Variants in EIF2S2 observed in about 807,000 individuals in gnomAD.
EIF2S2 encodes eukaryotic translation initiation factor 2 subunit beta, also known as eukaryotic translation initiation factor 2 subunit 2.
A neutral mutation model predicts 44.0 loss-of-function variants in EIF2S2; 4 were observed. The observed-to-expected ratio is 0.09, with a 90% CI of 0.04 to 0.21. The LOEUF is 0.21. Among genes scored for constraint, EIF2S2 ranks in the 10% least tolerant of loss-of-function variants. The pLI is 1.00. For synonymous variants in EIF2S2, 108 were observed against 128.3 expected, an observed-to-expected ratio of 0.84 and a Z score of 1.07; for missense variants, 154 against 392.0, an observed-to-expected ratio of 0.39 and a Z score of 5.13.
At chr20:34,112,027 C>A in intron 1 of EIF2S2, 69 bp downstream of exon 1, 1 of 1,338,930 alleles carries the variant, frequency 7.5e-7, no homozygotes, top group Non-Finnish European at 9.7e-7. Flanking sequence ...CAGGCCCGTT[C>A]TCCCACACTG....
In EIF2S2 at chr20:34,089,925, C is replaced by G. The variant is rs1208407426; in HGVS notation, c.827-20G>C. Reference sequence around the variant, plus strand: ...ATTCCTCTGCAAATAAAGCAACACACAGAATTACCTGGTGGCTGCAGTGAG... The same window carrying G: ...ATTCCTCTGCAAATAAAGCAACACAGAGAATTACCTGGTGGCTGCAGTGAG... On this transcript the variant is annotated intron_variant, in intron 8 of 8. Coordinates refer to ENST00000374980, the MANE Select transcript of EIF2S2 (RefSeq NM_003908.5). 3 of 1,612,880 alleles carry G rather than the reference C, an allele frequency of 1.9e-6. No individual in the cohort carries two copies. Among genetic ancestry groups the G allele is most frequent in the Middle Eastern group, 1.7e-4 (1 of 6,048 alleles).
At position 34,102,891 on chromosome 20, in the gene EIF2S2, T is replaced by G. The variant is rs148185255; in HGVS notation, c.297+571A>C. On this transcript the variant is annotated intron_variant, in intron 3 of 8. Coordinates refer to ENST00000374980, the MANE Select transcript of EIF2S2 (RefSeq NM_003908.5). Reference sequence around the variant, plus strand: ...ATTCACCTTCCTGCCCACCTGTTACTTACTCCCTGTCCAAAAGAATTTTGA... The same window carrying G: ...ATTCACCTTCCTGCCCACCTGTTACGTACTCCCTGTCCAAAAGAATTTTGA... Among the ~76,000 whole-genome samples, 577 of 152,290 alleles carry G rather than the reference T, an allele frequency of 3.8e-3. 4 individuals are homozygous for G. The highest frequency in any genetic ancestry group is 3.8e-3 in the Non-Finnish European group (258 of 68,016).
rs1568712596 is a variant in EIF2S2, at chr20:34,093,664, C to T, written c.740+11G>A. The T allele has an allele frequency of 6.2e-7, 1 of 1,603,348 alleles. No homozygotes were observed. Among genetic ancestry groups the T allele is most frequent in the East Asian group, 2.2e-5 (1 of 44,812 alleles). The stretch of plus-strand genomic sequence containing the variant: ...CAGCAGTACTGTATGTAAATGTATA[C>T]AGTTTCTTACCTTGTACCCAATTCA... On this transcript the variant is annotated intron_variant, in intron 7 of 8. Transcript: ENST00000374980.
At chr20:34,104,874 T>C (rs532754074) in intron 2 of EIF2S2, among the ~76,000 whole-genome samples, 14 of 152,234 alleles carry the variant, frequency 9.2e-5, no homozygotes, top group Non-Finnish European at 1.9e-4. Context: ...CACAGTGTTA[T>C]ATTCAACAGA....
chr20:34,104,144 GT>G (rs2034323740), intron 2 of EIF2S2, among the ~76,000 whole-genome samples: 1 of 152,180 alleles, frequency 6.6e-6, no homozygotes, highest in East Asian at 1.9e-4. Flanking sequence ...CCAAGACAAA[GT>G]CAGAGCTCTA....
Position 34,103,546 on chromosome 20 carries a change from A to G in EIF2S2, c.213T>C (p.Asp71=), listed in dbSNP as rs2034316549. 1.9e-6 allele frequency: 3 copies of G among 1,569,906 alleles called. No homozygotes were observed. Among genetic ancestry groups the G allele is most frequent in the Non-Finnish European group, 2.6e-6 (3 of 1,156,738 alleles). Residue 71 remains aspartate (D), a synonymous_variant, in exon 3 of 9, where the codon GAT becomes GAC. Coordinates refer to ENST00000374980, the MANE Select transcript of EIF2S2 (RefSeq NM_003908.5). ...TRKKDASDDL[D]DLNFFNQKKK... is the part of the protein sequence containing the mutation. ...TCTTTTGATTAAAGAAGTTCAAGTC[A>G]TCTAGATCATCAGAAGCATCTAAAA...
intron 3 of EIF2S2, 27 bp from the exon 4 acceptor site, chr20:34,098,660 T>C (rs2034260693): frequency 1.2e-6 from 2 of 1,608,714 alleles, no homozygotes; most frequent in Non-Finnish European, 8.5e-7. Flanking sequence ...AGTCTGAACA[T>C]TTGATACTGG....
chr20:34,095,296 TAA>T (rs951613057), intron 6 of EIF2S2, among the ~76,000 whole-genome samples: 2 of 149,236 alleles, frequency 1.3e-5, no homozygotes, highest in African/African-American at 5.0e-5. Context: ...TAAACTATGA[TAA>T]GTTAGCTACC....
At position 34,096,436 on chromosome 20, in the gene EIF2S2, G is replaced by A. The variant is rs2034229559; in HGVS notation, c.683+221C>T. Among the ~76,000 whole-genome samples the A allele has an allele frequency of 2.0e-5, 3 of 152,138 alleles. 1 individual carries two copies. In the South Asian group the frequency reaches 6.2e-4, roughly 32 times the overall value. Reference sequence around the variant, plus strand: ...GCCATGACCACTCCACTGCATTCCAGCCTGGGCGACAAAGCAAGACCGTTA... The same window carrying A: ...GCCATGACCACTCCACTGCATTCCAACCTGGGCGACAAAGCAAGACCGTTA... On this transcript the variant is annotated intron_variant, in intron 6 of 8. Coordinates refer to ENST00000374980, the MANE Select transcript of EIF2S2 (RefSeq NM_003908.5).
rs747179760 is a variant in EIF2S2, at chr20:34,097,532, A to G, written c.434-16T>C. ...TCTTCTAGAGCTACAGATAAAAAAGATTTTAAGAATGAGGGGTGGGCCCTA... is the reference window on the plus strand; with the variant it reads ...TCTTCTAGAGCTACAGATAAAAAAGGTTTTAAGAATGAGGGGTGGGCCCTA... On this transcript the variant is annotated splice_polypyrimidine_tract_variant and intron_variant, in intron 4 of 8. Transcript: ENST00000374980. The G allele has an allele frequency of 6.2e-7, 1 of 1,606,320 alleles. No individual in the cohort carries two copies. Among genetic ancestry groups the G allele is most frequent in the Non-Finnish European group, 8.5e-7 (1 of 1,176,874 alleles).
chr20:34,102,344 G>A (rs1190001166), intron 3 of EIF2S2, among the ~76,000 whole-genome samples: 1 of 152,154 alleles, frequency 6.6e-6, no homozygotes, highest in Non-Finnish European at 1.5e-5. Flanking sequence ...CAAACAGGGA[G>A]AGAACAAGAT....
chr20:34,100,466 AT>A (rs775529939), intron 3 of EIF2S2, among the ~76,000 whole-genome samples: 2 of 152,128 alleles, frequency 1.3e-5, no homozygotes, highest in African/African-American at 2.4e-5. Flanking sequence ...CTATCTAGAG[AT>A]CCCCAGATAA....
chr20:34,106,088 A>G lies in EIF2S2; in HGVS notation c.16-543T>C, dbSNP rs558126506. On this transcript the variant is annotated intron_variant, in intron 1 of 8. Coordinates refer to ENST00000374980, the MANE Select transcript of EIF2S2 (RefSeq NM_003908.5). ...AAGCATGTGCTACCATGCCCAGCTA[A>G]TTTTTTTATTTTGTAGAGACGGGGT... Among the ~76,000 whole-genome samples, 113 of 152,108 alleles carry G rather than the reference A, an allele frequency of 7.4e-4. 1 individual carries two copies. Among genetic ancestry groups the G allele is most frequent in the African/African-American group, 2.6e-3 (108 of 41,482 alleles).
At chr20:34,099,651 A>G (rs2034273153) in intron 3 of EIF2S2, among the ~76,000 whole-genome samples, 1 of 152,200 alleles carries the variant, frequency 6.6e-6, no homozygotes, top group Non-Finnish European at 1.5e-5. Context: ...TTCAGATGCC[A>G]GTCACCACGT....
chr20:34,109,960 A>G (rs1010393146), intron 1 of EIF2S2, among the ~76,000 whole-genome samples: 3 of 151,524 alleles, frequency 2.0e-5, no homozygotes, highest in African/African-American at 7.3e-5. Context: ...TTAGCTGGGC[A>G]TGGTGGCAGG....
chr20:34,094,707 CA>C (rs11474896), intron 6 of EIF2S2, among the ~76,000 whole-genome samples: 92,438 of 144,398 alleles, frequency 0.64, 29,421 homozygotes, highest in South Asian at 0.85. Context: ...TCTCAATATA[CA>C]AAAAAAAAAA....
chr20:34,094,445 C>G (rs1342773169), intron 6 of EIF2S2, among the ~76,000 whole-genome samples: 1 of 152,084 alleles, frequency 6.6e-6, no homozygotes, highest in Non-Finnish European at 1.5e-5. Flanking sequence ...GTAAAAAAAT[C>G]TGAAGCAAAT....
Position 34,105,491 on chromosome 20 carries a change from T to G in EIF2S2, c.70A>C (p.Met24Leu). ...KKKKKKKKPFMLDEEGDTQTE... is the reference protein window; with the variant it reads ...KKKKKKKKPFLLDEEGDTQTE... ...TGGGTATCCCCTTCCTCATCTAACA[T>G]AAAAGGCTTCTTCTTCTTCTTTTTC... The change falls in exon 2 of 9, where the codon ATG becomes CTG. Residue 24 changes from methionine to leucine, a missense_variant. Met to Leu is a conservative substitution (Grantham distance 15, BLOSUM62 2). This residue lies in a region of EIF2S2 where 134 missense variants were observed against 225.0 expected (regional missense o/e 0.60). Coordinates refer to ENST00000374980, the MANE Select transcript of EIF2S2 (RefSeq NM_003908.5). 1.9e-6 allele frequency: 3 copies of G among 1,612,886 alleles called. No homozygotes were observed. The highest frequency in any genetic ancestry group is 2.5e-6 in the Non-Finnish European group (3 of 1,179,708).
At chr20:34,104,004 C>T (rs754859865) in intron 2 of EIF2S2, among the ~76,000 whole-genome samples, 30 of 152,080 alleles carry the variant, frequency 2.0e-4, no homozygotes, top group Non-Finnish European at 2.9e-4. Context: ...CCACCGCGCC[C>T]GGCCACAAAA....
Sources: allele counts gnomAD v4.1 joint callset (sites outside exome capture counted in the v4.1 genomes callset), GRCh38; gene constraint gnomAD v4.1.1; regional missense constraint gnomAD v4.1.1; transcripts MANE v1.5; gene names NCBI Gene and HGNC (gene_info 2026-07-23, HGNC 2026-07-21).